The following NBPF26 variants were observed in gnomAD, a reference collection of about 807,000 sequenced individuals.
The protein encoded by NBPF26 is NBPF member 26.
NBPF26 carries 79 observed loss-of-function variants against 119.6 expected under a neutral mutation model. The ratio of observed to expected loss-of-function variants is 0.66; its 90% CI spans 0.55 to 0.80. NBPF26 has a LOEUF of 0.80. Ranked by LOEUF, NBPF26 falls within the 30% of genes least tolerant of loss-of-function variation. The pLI is 0.00. For missense variants in NBPF26, 800 were observed against 1,198.2 expected, an observed-to-expected ratio of 0.67 and a Z score of 4.91; for synonymous variants, 299 against 457.7, an observed-to-expected ratio of 0.65 and a Z score of 4.43.
At position 120,811,703 on chromosome 1, in the gene NBPF26, G is replaced by T. The variant is rs1651871035; in HGVS notation, c.1565-183G>T. Among the ~76,000 whole-genome samples the T allele has an allele frequency of 1.8e-5, 2 of 113,468 alleles. 1 individual carries two copies. The highest frequency in any genetic ancestry group is 3.5e-5 in the Non-Finnish European group (2 of 57,952). 74.4% of individuals were successfully genotyped at this position (113,468 alleles called of 152,430 possible). ...GAAGTGTTTATGTCTTGGTTTCAAG[G>T]TGACTGCATAGCTAAGACAAGTTGA... On this transcript the variant is annotated intron_variant, in intron 9 of 29. Coordinates refer to ENST00000620612, the Ensembl canonical transcript of NBPF26.
intron 1 of NBPF26, among the ~76,000 whole-genome samples, chr1:120,730,621 G>C (rs1407932442): frequency 8.7e-6 from 1 of 115,160 alleles, no homozygotes; most frequent in Non-Finnish European, 1.7e-5. Flanking sequence ...AATATTATCT[G>C]TGTGGCAGAA....
At chr1:120,765,933 G>T (rs1651186167) in intron 2 of NBPF26, among the ~76,000 whole-genome samples, 1 of 71,410 alleles carries the variant, frequency 1.4e-5, no homozygotes, top group East Asian at 3.2e-4. Flanking sequence ...TGAACAATGA[G>T]AACACATGGA....
chr1:120,814,703 A>C lies in NBPF26; in HGVS notation c.1878-126A>C, dbSNP rs1236694821. The C allele has an allele frequency of 8.4e-5, 55 of 651,520 alleles. 13 individuals are homozygous for C. Among genetic ancestry groups the C allele is most frequent in the African/African-American group, 4.0e-4 (15 of 37,142 alleles). 40.4% of individuals were successfully genotyped at this position (651,520 alleles called of 1,614,324 possible). On this transcript the variant is annotated intron_variant, in intron 11 of 29. Coordinates refer to ENST00000620612, the Ensembl canonical transcript of NBPF26. ...TTCTCTTGGCCACAGACATTCCTTT[A>C]AACATGTGCTGACCTTCTGCTTCGA... is the stretch of plus-strand genomic sequence containing the variant.
intron 1 of NBPF26, among the ~76,000 whole-genome samples, chr1:120,728,160 T>C (rs1225253214): frequency 8.9e-6 from 1 of 112,126 alleles, no homozygotes; most frequent in Non-Finnish European, 1.7e-5. Flanking sequence ...TTATTGTTAA[T>C]GCGTACATGA....
chr1:120,764,013 C>T lies in NBPF26; in HGVS notation c.155+304C>T, dbSNP rs1297923071. On this transcript the variant is annotated intron_variant, in intron 2 of 29. Transcript: ENST00000620612. ...CTGGTAATCCCAGCACTTCAGGAGG[C>T]TGAGTTGGGCGAATCACGAGGTCAG... 1.0e-4 allele frequency among the ~76,000 whole-genome samples: 12 copies of T among 114,854 alleles called. 4 individuals are homozygous for T. The highest frequency in any genetic ancestry group is 1.7e-4 in the Admixed American group (2 of 11,882). 75.3% of individuals were successfully genotyped at this position (114,854 alleles called of 152,430 possible). A position where few individuals can be genotyped will look rare whatever the true frequency, so the allele number is the denominator to read the frequency against.
chr1:120,806,862 A>G lies in NBPF26; in HGVS notation c.962-745A>G, dbSNP rs1359370964. Among the ~76,000 whole-genome samples the G allele has an allele frequency of 1.6e-5, 2 of 122,732 alleles. 1 individual carries two copies. The highest frequency in any genetic ancestry group is 3.3e-5 in the Non-Finnish European group (2 of 60,630). The allele number at this position is 122,732 out of a possible 152,430, so 80.5% of individuals were successfully genotyped here. ...GTACTACAATAATACCTACCTCTGT[A>G]AATTGCTGCAATGAATTACATGAGG... On this transcript the variant is annotated intron_variant, in intron 5 of 29. Transcript: ENST00000620612.
intron 10 of NBPF26, among the ~76,000 whole-genome samples, chr1:120,813,076 T>G (rs1449540164): frequency 8.4e-6 from 1 of 119,194 alleles, no homozygotes; most frequent in Non-Finnish European, 1.6e-5. Context: ...TGTGTGGAGA[T>G]AGCAGTGCAG....
chr1:120,840,687 C>T, downstream of NBPF26: 2 of 1,369,896 alleles, frequency 1.5e-6, no homozygotes, highest in South Asian at 2.6e-5. Flanking sequence ...TTTGGAAGCC[C>T]AGACATAGGA....
exon 4 of NBPF26, chr1:120,793,168 G>C (rs1416933214): frequency 7.0e-7 from 1 of 1,424,892 alleles, no homozygotes; most frequent in East Asian, 2.4e-5. Context: ...TAGGTAAGGA[G>C]TGCCAATGGA....
At chr1:120,812,921 A>AATAATAAT (rs1651904942) in intron 10 of NBPF26, among the ~76,000 whole-genome samples, 41 of 111,330 alleles carry the variant, frequency 3.7e-4, no homozygotes, top group East Asian at 2.6e-3. Context: ...AGACTGCTAA[A>AATAATAAT]AATAATAATA....
In NBPF26 at chr1:120,761,383, C is replaced by A. The variant is rs1460964715; in HGVS notation, c.74-2245C>A. 1.9e-5 allele frequency among the ~76,000 whole-genome samples: 2 copies of A among 106,834 alleles called. 1 individual carries two copies. The highest frequency in any genetic ancestry group is 3.5e-5 in the Non-Finnish European group (2 of 57,552). The allele number at this position is 106,834 out of a possible 152,430, so 70.1% of individuals were successfully genotyped here. ...AGGGAACCTTTAGGGACATTTAGTT[C>A]GCTCTCAGCTTGGTACAGGTAGGGA... On this transcript the variant is annotated intron_variant, in intron 1 of 29. Coordinates refer to ENST00000620612, the Ensembl canonical transcript of NBPF26.
At chr1:120,816,710 G>A in exon 14 of NBPF26, 1 of 1,197,796 alleles carries the variant, frequency 8.3e-7, no homozygotes, top group South Asian at 1.3e-5. Flanking sequence ...TGGCCCTTAT[G>A]ACTGCAACCA....
chr1:120,817,041 A>G lies in NBPF26; in HGVS notation c.2371+214A>G, dbSNP rs1183377236. ...TACTCAACCCCAGGCAAGTGTGACA[A>G]TCTCATAGTCACCTGAGTGCAGGAG... On this transcript the variant is annotated intron_variant, in intron 14 of 29. Transcript: ENST00000620612. 1.7e-5 allele frequency among the ~76,000 whole-genome samples: 2 copies of G among 118,178 alleles called. 1 individual carries two copies. The highest frequency in any genetic ancestry group is 3.3e-5 in the Non-Finnish European group (2 of 61,044). 77.5% of individuals were successfully genotyped at this position (118,178 alleles called of 152,430 possible).
chr1:120,758,599 A>G (rs1415256441), intron 1 of NBPF26, among the ~76,000 whole-genome samples: 1 of 104,356 alleles, frequency 9.6e-6, no homozygotes, highest in Non-Finnish European at 1.8e-5. Flanking sequence ...GACTTTTCTC[A>G]AACATAAATC....
chr1:120,763,702 T>A, exon 2 of NBPF26: 1 of 1,349,074 alleles, frequency 7.4e-7, no homozygotes, highest in Non-Finnish European at 1.0e-6. Flanking sequence ...TGGCACAGGA[T>A]ACTGCAAGTA....
chr1:120,758,898 C>G (rs1296340521), intron 1 of NBPF26, among the ~76,000 whole-genome samples: 2 of 88,292 alleles, frequency 2.3e-5, no homozygotes, highest in Non-Finnish European at 4.0e-5. Context: ...TTCCTAGACA[C>G]TATCTGAGGT....
At chr1:120,819,300 C>G (rs1169726283) in intron 15 of NBPF26, among the ~76,000 whole-genome samples, 1 of 116,020 alleles carries the variant, frequency 8.6e-6, no homozygotes, top group Admixed American at 8.3e-5. Flanking sequence ...AGGATTGCAA[C>G]CCCTGCCTTT....
At chr1:120,840,735 C>G, downstream of NBPF26, 1 of 1,180,398 alleles carries the variant, frequency 8.5e-7, no homozygotes, top group Non-Finnish European at 1.1e-6. Flanking sequence ...ATTCTCAAAC[C>G]ATGCCAGTGG....
In NBPF26 at chr1:120,785,166, G is replaced by C; in HGVS notation, c.348G>C (p.Leu116=). Residue 116 remains leucine, a synonymous_variant, in exon 3 of 30, where the codon CTG becomes CTC. Coordinates refer to ENST00000620612, the Ensembl canonical transcript of NBPF26. ...CATGCTTTGTGTCTCGACCTTGCCT[G>C]AATGGCGGCACATGCCATATGCTCA... 9.7e-6 allele frequency: 14 copies of C among 1,446,294 alleles called. 2 individuals carry two copies. The highest frequency in any genetic ancestry group is 1.3e-5 in the Non-Finnish European group (14 of 1,082,094). 89.6% of individuals were successfully genotyped at this position (1,446,294 alleles called of 1,614,324 possible). A position where few individuals can be genotyped will look rare whatever the true frequency, so the allele number is the denominator to read the frequency against.
Sources: allele counts gnomAD v4.1 joint callset (sites outside exome capture counted in the v4.1 genomes callset), GRCh38; gene constraint gnomAD v4.1.1; transcripts MANE v1.5; gene names NCBI Gene and HGNC (gene_info 2026-07-23, HGNC 2026-07-21).